RD3: variants seen among roughly 807,000 people sequenced by gnomAD.
RD3 encodes RD3 regulator of GUCY2D, also known as protein RD3.
RD3 carries 11 observed loss-of-function variants against 16.9 expected under a neutral mutation model. The observed-to-expected ratio is 0.65, with a 90% CI of 0.41 to 1.08. RD3 has a LOEUF of 1.08. Among genes scored for constraint, RD3 ranks in the 50% least tolerant of loss-of-function variants. RD3 has a pLI of 0.00. For synonymous variants in RD3, 116 were observed against 114.8 expected (o/e 1.01, Z -0.07); for missense variants, 274 against 267.4 (o/e 1.02, Z -0.17).
At chr1:211,488,788 C>T (rs1016485699) in intron 1 of RD3, among the ~76,000 whole-genome samples, 1 of 152,120 alleles carries the variant, frequency 6.6e-6, no homozygotes, top group African/African-American at 2.4e-5. Flanking sequence ...CACATACATG[C>T]CTTCCGTTCC....
chr1:211,478,510 T>A lies in RD3; in HGVS notation c.*526A>T. The A allele has an allele frequency of 4.1e-6, 1 of 246,780 alleles. No individual in the cohort carries two copies. The allele number at this position is 246,780 out of a possible 1,614,324, so 15.3% of individuals were successfully genotyped here. A position where few individuals can be genotyped will look rare whatever the true frequency, so the allele number is the denominator to read the frequency against. ...TGAAGAGAGTGGATCTAAATGTCTC[T>A]CTGGTCCCTTCCAGCTGTGCCTGCC... On this transcript the variant is annotated 3_prime_UTR_variant, in exon 3 of 3. Transcript: ENST00000680073.
intron 1 of RD3, 89 bp from the exon 2 acceptor site, chr1:211,481,515 G>T: frequency 2.3e-6 from 3 of 1,288,640 alleles, no homozygotes; most frequent in Non-Finnish European, 3.3e-6. Context: ...AGAGAGGAGA[G>T]CTGGGACCCA....
At chr1:211,485,606 G>C (rs1274261419) in intron 1 of RD3, among the ~76,000 whole-genome samples, 2 of 152,130 alleles carry the variant, frequency 1.3e-5, no homozygotes, top group Non-Finnish European at 2.9e-5. Flanking sequence ...CCTGGGGGAG[G>C]TCTGTTAAAC....
rs1460386035 is a variant in RD3 at position 211,479,313 on chromosome 1, A to G, written c.311T>C (p.Leu104Pro). 4 of 1,604,376 alleles carry G rather than the reference A, an allele frequency of 2.5e-6. No homozygotes were observed. Among genetic ancestry groups the G allele is most frequent in the East Asian group, 2.2e-5 (1 of 44,670 alleles). The change falls in exon 3 of 3, where the codon CTG (leucine) becomes CCG (proline). Residue 104 changes from leucine (L) to proline (P), a missense_variant. Physicochemically the swap from Leu to Pro is moderately conservative, Grantham distance 98. Transcript: ENST00000680073. Reference protein sequence around the residue: ...GPAILRFRQLLAEQEPEVQEV... With the variant: ...GPAILRFRQLPAEQEPEVQEV... ...CTGCACCTCGGGCTCCTGCTCCGCC[A>G]GCAGCTGCCGGAACCTGGGCGGGAG...
chr1:211,487,485 A>G (rs1558181827), intron 1 of RD3, among the ~76,000 whole-genome samples: 1 of 152,232 alleles, frequency 6.6e-6, no homozygotes, highest in Non-Finnish European at 1.5e-5. Flanking sequence ...CCCCTACAAG[A>G]GCAAATATGG....
At position 211,479,334 on chromosome 1, in the gene RD3, G is replaced by C. The variant is rs758451641; in HGVS notation, c.297-7C>G. 6.3e-7 allele frequency: 1 copy of C among 1,598,852 alleles called. No homozygotes were observed. Among genetic ancestry groups the C allele is most frequent in the South Asian group, 1.1e-5 (1 of 88,328 alleles). ...CGCCAGCAGCTGCCGGAACCTGGGCGGGAGGGGAGGGCGCTGGGGACATTC... is the reference window on the plus strand; with the variant it reads ...CGCCAGCAGCTGCCGGAACCTGGGCCGGAGGGGAGGGCGCTGGGGACATTC... On this transcript the variant is annotated splice_polypyrimidine_tract_variant and splice_region_variant and intron_variant, in intron 2 of 2. Transcript: ENST00000680073.
Position 211,481,424 on chromosome 1 carries a change from G to A in RD3, c.-9C>T, listed in dbSNP as rs757965184. ...CATGAGATGAGAGACATAGCCCCTG[G>A]CCCTGCTGAGACAGGACAGATGTGC... On this transcript the variant is annotated splice_region_variant and 5_prime_UTR_variant, in exon 2 of 3. Coordinates refer to ENST00000680073, the MANE Select transcript of RD3 (RefSeq NM_001164688.2). 1 of 1,611,852 alleles carries A rather than the reference G, an allele frequency of 6.2e-7. No individual in the cohort carries two copies. Among genetic ancestry groups the A allele is most frequent in the Non-Finnish European group, 8.5e-7 (1 of 1,179,858 alleles).
At chr1:211,491,183 A>C (rs1052544585) in intron 1 of RD3, among the ~76,000 whole-genome samples, 3 of 152,080 alleles carry the variant, frequency 2.0e-5, no homozygotes, top group Admixed American at 2.0e-4. Context: ...CCCACCCTGC[A>C]CCCATCTGCC....
intron 1 of RD3, among the ~76,000 whole-genome samples, chr1:211,490,256 G>C (rs1390726644): frequency 2.0e-5 from 3 of 152,252 alleles, no homozygotes; most frequent in Non-Finnish European, 4.4e-5. Flanking sequence ...GGATGAGAGT[G>C]CCCTCACCTC....
Position 211,477,856 on chromosome 1 carries a change from C to A in RD3, c.*1180G>T, listed in dbSNP as rs1705176584. ...CACTTCCCCACCCATCCCCCTTACA[C>A]CCCACTTCAACCCCAGAGTGTGTGG... is the stretch of plus-strand genomic sequence containing the variant. On this transcript the variant is annotated 3_prime_UTR_variant, in exon 3 of 3. Coordinates refer to ENST00000680073, the MANE Select transcript of RD3 (RefSeq NM_001164688.2). The A allele has an allele frequency of 2.7e-6, 1 of 374,752 alleles. No individual in the cohort carries two copies. 23.2% of individuals were successfully genotyped at this position (374,752 alleles called of 1,614,324 possible).
In RD3 at chr1:211,478,964, C is replaced by T; in HGVS notation, c.*72G>A. On this transcript the variant is annotated 3_prime_UTR_variant, in exon 3 of 3. Transcript: ENST00000680073. The stretch of plus-strand genomic sequence containing the variant: ...GGCCTAGGTGGGGAGGTTCCAGGGC[C>T]CGGCGCTCCGGTCACCGGCCTATCA... The T allele has an allele frequency of 7.0e-7, 1 of 1,428,072 alleles. No individual in the cohort carries two copies. The highest frequency in any genetic ancestry group is 9.3e-7 in the Non-Finnish European group (1 of 1,076,406). The allele number at this position is 1,428,072 out of a possible 1,614,324, so 88.5% of individuals were successfully genotyped here. A position where few individuals can be genotyped will look rare whatever the true frequency, so the allele number is the denominator to read the frequency against.
At chr1:211,482,023 G>A (rs1267829254) in intron 1 of RD3, among the ~76,000 whole-genome samples, 1 of 152,192 alleles carries the variant, frequency 6.6e-6, no homozygotes, top group Non-Finnish European at 1.5e-5. Context: ...GGGAGATCAA[G>A]ACAAGCCTGA....
intron 1 of RD3, among the ~76,000 whole-genome samples, chr1:211,482,736 G>T (rs1705301323): frequency 6.6e-6 from 1 of 151,946 alleles, no homozygotes; most frequent in Non-Finnish European, 1.5e-5. Flanking sequence ...GTCAGATGTG[G>T]TCTGTGCTTC....
At chr1:211,483,454 CAA>C (rs879727673) in intron 1 of RD3, among the ~76,000 whole-genome samples, 51 of 104,040 alleles carry the variant, frequency 4.9e-4, no homozygotes, top group Admixed American at 4.1e-4. Flanking sequence ...GACTCCAACT[CAA>C]AAAAAAAAAA....
intron 1 of RD3, among the ~76,000 whole-genome samples, chr1:211,487,484 G>A (rs1252009245): frequency 6.6e-6 from 1 of 152,180 alleles, no homozygotes; most frequent in African/African-American, 2.4e-5. Flanking sequence ...GCCCCTACAA[G>A]AGCAAATATG....
intron 1 of RD3, among the ~76,000 whole-genome samples, chr1:211,487,230 C>T (rs1425932510): frequency 2.0e-5 from 3 of 152,180 alleles, no homozygotes; most frequent in African/African-American, 7.2e-5. Context: ...TGTACAAGTT[C>T]ATTTCTGATC....
chr1:211,486,334 G>A (rs1022811012), intron 1 of RD3, among the ~76,000 whole-genome samples: 6 of 151,780 alleles, frequency 4.0e-5, no homozygotes, highest in African/African-American at 7.3e-5. Flanking sequence ...GTGAAACCCC[G>A]TCTCTACTAA....
intron 1 of RD3, among the ~76,000 whole-genome samples, chr1:211,486,537 A>G (rs1170906595): frequency 1.3e-5 from 2 of 151,376 alleles, no homozygotes; most frequent in Non-Finnish European, 2.9e-5. Flanking sequence ...AAATCTGAAT[A>G]TGAGCTGGAT....
intron 1 of RD3, among the ~76,000 whole-genome samples, chr1:211,488,924 C>A (rs1021572585): frequency 2.0e-5 from 3 of 152,166 alleles, no homozygotes; most frequent in Admixed American, 6.5e-5. Context: ...GCTGCACCCC[C>A]ACTCCGCCTC....
Sources: gnomAD v4.1 joint callset for allele counts (sites outside exome capture counted in the v4.1 genomes callset) on GRCh38, gnomAD v4.1.1 for gene constraint, MANE v1.5 for transcripts, NCBI Gene and HGNC (gene_info 2026-07-23, HGNC 2026-07-21) for gene names.